Variants in CHCHD3 observed in about 807,000 individuals in gnomAD.
CHCHD3 encodes the protein MICOS complex subunit MIC19.
Under a neutral mutation model 38.2 loss-of-function variants are expected in CHCHD3, and 20 were observed. The ratio of observed to expected loss-of-function variants is 0.52; its 90% CI spans 0.37 to 0.76. The LOEUF is 0.76. Among genes scored for constraint, CHCHD3 ranks in the 30% least tolerant of loss-of-function variants. The pLI, the probability that CHCHD3 is intolerant of heterozygous loss-of-function variation, is 0.00. For synonymous variants in CHCHD3, 82 were observed against 100.0 expected (o/e 0.82, Z 1.07); for missense variants, 245 against 279.2 (o/e 0.88, Z 0.87).
intron 5 of CHCHD3, among the ~76,000 whole-genome samples, chr7:132,842,836 A>C (rs937697123): frequency 6.6e-6 from 1 of 152,148 alleles, no homozygotes; most frequent in Non-Finnish European, 1.5e-5. Flanking sequence ...TTACCTGATT[A>C]AAGTGGTGTC....
intron 4 of CHCHD3, among the ~76,000 whole-genome samples, chr7:132,907,676 C>T (rs966155939): frequency 2.6e-5 from 4 of 151,998 alleles, no homozygotes; most frequent in East Asian, 1.9e-4. Flanking sequence ...ATGGGGGGGC[C>T]GCTAAAGGTT....
chr7:132,798,707 T>G (rs1231582730), intron 6 of CHCHD3, among the ~76,000 whole-genome samples: 1 of 152,112 alleles, frequency 6.6e-6, no homozygotes, highest in Non-Finnish European at 1.5e-5. Context: ...CCTTCCTCAT[T>G]AACATACGGG....
intron 3 of CHCHD3, among the ~76,000 whole-genome samples, chr7:133,012,842 G>A (rs1212192231): frequency 9.1e-5 from 11 of 121,226 alleles, no homozygotes; most frequent in Admixed American, 2.5e-4. Flanking sequence ...GAGGAGAAGA[G>A]AGGGGAGGGG....
chr7:132,908,253 TG>T (rs1809845563), intron 4 of CHCHD3, among the ~76,000 whole-genome samples: 1 of 152,178 alleles, frequency 6.6e-6, no homozygotes, highest in South Asian at 2.1e-4. Flanking sequence ...AAAACGTAAC[TG>T]GGAGTATTCC....
chr7:133,020,225 T>C (rs1445257171), intron 3 of CHCHD3, among the ~76,000 whole-genome samples: 4 of 152,132 alleles, frequency 2.6e-5, no homozygotes, highest in Admixed American at 2.6e-4. Context: ...CATATGTAAA[T>C]GTTTTGTAAA....
intron 3 of CHCHD3, among the ~76,000 whole-genome samples, chr7:133,008,121 G>A (rs1812751563): frequency 6.6e-6 from 1 of 152,150 alleles, no homozygotes; most frequent in Admixed American, 6.5e-5. Context: ...ATTCATGACT[G>A]GACAACACCC....
At chr7:132,969,817 T>G (rs1392640090) in intron 4 of CHCHD3, among the ~76,000 whole-genome samples, 2 of 152,100 alleles carry the variant, frequency 1.3e-5, no homozygotes, top group East Asian at 3.9e-4. Flanking sequence ...AAGCTAAAAA[T>G]CAAACCCTAA....
intron 4 of CHCHD3, among the ~76,000 whole-genome samples, chr7:132,926,871 G>A (rs181779493): frequency 6.6e-6 from 1 of 151,746 alleles, no homozygotes; most frequent in Admixed American, 6.6e-5. Context: ...TTTAATCCAT[G>A]GATGGGTGAA....
At chr7:132,855,683 G>C (rs1808328803) in intron 5 of CHCHD3, among the ~76,000 whole-genome samples, 1 of 152,032 alleles carries the variant, frequency 6.6e-6, no homozygotes, top group Non-Finnish European at 1.5e-5. Flanking sequence ...AGTCTCTAAG[G>C]TGTATTTTAT....
At chr7:132,794,468 A>G (rs1806551269) in intron 7 of CHCHD3, among the ~76,000 whole-genome samples, 1 of 152,178 alleles carries the variant, frequency 6.6e-6, no homozygotes, top group South Asian at 2.1e-4. Context: ...TGACCTTGCA[A>G]TCCTAACTAC....
At chr7:132,918,180 T>C (rs1247015147) in intron 4 of CHCHD3, among the ~76,000 whole-genome samples, 1 of 152,204 alleles carries the variant, frequency 6.6e-6, no homozygotes, top group Non-Finnish European at 1.5e-5. Context: ...AAAAAATCTA[T>C]AGCATTGAAA....
At chr7:132,934,402 A>G (rs1459721200) in intron 4 of CHCHD3, among the ~76,000 whole-genome samples, 1 of 152,192 alleles carries the variant, frequency 6.6e-6, no homozygotes, top group Non-Finnish European at 1.5e-5. Flanking sequence ...GAAATTCACA[A>G]TCCATGGGGT....
intron 3 of CHCHD3, among the ~76,000 whole-genome samples, chr7:132,998,299 T>C (rs1812478993): frequency 6.6e-6 from 1 of 152,178 alleles, no homozygotes; most frequent in South Asian, 2.1e-4. Flanking sequence ...TGAATATAAG[T>C]TTTAATATTT....
intron 4 of CHCHD3, among the ~76,000 whole-genome samples, chr7:132,895,128 C>A (rs1006666726): frequency 2.6e-5 from 4 of 152,118 alleles, no homozygotes; most frequent in Admixed American, 6.5e-5. Context: ...GAATTAGCTG[C>A]CATATTATAA....
At chr7:132,832,378 T>G (rs1293088511) in intron 6 of CHCHD3, among the ~76,000 whole-genome samples, 2 of 152,226 alleles carry the variant, frequency 1.3e-5, no homozygotes, top group African/African-American at 4.8e-5. Flanking sequence ...TCCAAGTTCA[T>G]AGACTTGTAC....
intron 2 of CHCHD3, among the ~76,000 whole-genome samples, chr7:133,031,517 C>A (rs538028450): frequency 1.3e-5 from 2 of 151,616 alleles, no homozygotes; most frequent in Non-Finnish European, 2.9e-5. Context: ...TTTGCATAAT[C>A]CTTACACTAT....
chr7:133,050,371 A>G (rs2117499200), intron 2 of CHCHD3, among the ~76,000 whole-genome samples: 1 of 147,492 alleles, frequency 6.8e-6, no homozygotes, highest in East Asian at 1.9e-4. Context: ...AAAAAAAAAA[A>G]AAAATGCAGA....
intron 3 of CHCHD3, among the ~76,000 whole-genome samples, chr7:132,982,346 G>A (rs1811941191): frequency 6.6e-6 from 1 of 152,206 alleles, no homozygotes. Flanking sequence ...GTGCAGTGGT[G>A]TGATCTTGGC....
At chr7:133,046,979 T>G (rs534050154) in intron 2 of CHCHD3, among the ~76,000 whole-genome samples, 2 of 152,262 alleles carry the variant, frequency 1.3e-5, no homozygotes, top group East Asian at 3.9e-4. Context: ...AGGTTTGGAG[T>G]GAAGACCCAA....
Sources: allele counts gnomAD v4.1 joint callset (sites outside exome capture counted in the v4.1 genomes callset), GRCh38; gene constraint gnomAD v4.1.1; transcripts MANE v1.5; gene names NCBI Gene and HGNC (gene_info 2026-07-23, HGNC 2026-07-21).